The following TRAM1 variants were observed in gnomAD, a reference collection of about 807,000 sequenced individuals.
TRAM1 encodes translocation associated membrane protein 1.
In TRAM1, 17 loss-of-function variants were observed where a neutral mutation model predicts 48.7. The ratio of observed to expected loss-of-function variants is 0.35; its 90% CI spans 0.24 to 0.52. The LOEUF is 0.52. Ranked by LOEUF, TRAM1 falls within the 20% of genes least tolerant of loss-of-function variation. The pLI, the probability that TRAM1 is intolerant of heterozygous loss-of-function variation, is 0.94. For missense variants in TRAM1, 351 were observed against 441.5 expected (o/e 0.79, Z 1.84); for synonymous variants, 182 against 154.0 (o/e 1.18, Z -1.34).
intron 1 of TRAM1, among the ~76,000 whole-genome samples, chr8:70,605,717 A>G (rs1180178321): frequency 6.6e-6 from 1 of 152,220 alleles, no homozygotes; most frequent in Admixed American, 6.5e-5. Flanking sequence ...GGTAAGAAAA[A>G]GGAAGAACTC....
At position 70,583,343 on chromosome 8, in the gene TRAM1, T is replaced by TA. The variant is rs1450686799; in HGVS notation, c.891-20dup. ...AGCGATTCTAAGAAATATTAAGACA[T>TA]AAAAAGTTAGTGTATAAAAAACAAT... On this transcript the variant is annotated intron_variant, in intron 9 of 10. Coordinates refer to ENST00000262213, the MANE Select transcript of TRAM1 (RefSeq NM_014294.6). 1 of 1,607,282 alleles carries TA rather than the reference T, an allele frequency of 6.2e-7. No individual in the cohort carries two copies. The highest frequency in any genetic ancestry group is 8.5e-7 in the Non-Finnish European group (1 of 1,176,346).
chr8:70,581,059 C>CT (rs775314400), intron 10 of TRAM1, among the ~76,000 whole-genome samples: 2 of 152,140 alleles, frequency 1.3e-5, no homozygotes, highest in Non-Finnish European at 2.9e-5. Flanking sequence ...CCCCAGCTGG[C>CT]TTTTTTGCAG....
intron 8 of TRAM1, among the ~76,000 whole-genome samples, chr8:70,585,407 A>G (rs1208463210): frequency 6.6e-6 from 1 of 152,126 alleles, no homozygotes; most frequent in East Asian, 1.9e-4. Flanking sequence ...AATGGCAACA[A>G]AAGCCAAAAT....
chr8:70,601,111 G>A (rs1487410562), intron 1 of TRAM1, among the ~76,000 whole-genome samples: 3 of 152,116 alleles, frequency 2.0e-5, no homozygotes, highest in Admixed American at 1.3e-4. Flanking sequence ...TGCTCTCTGT[G>A]ACCTGCTAAG....
At chr8:70,593,219 C>T (rs1452780756) in intron 6 of TRAM1, among the ~76,000 whole-genome samples, 1 of 152,038 alleles carries the variant, frequency 6.6e-6, no homozygotes, top group Non-Finnish European at 1.5e-5. Flanking sequence ...TAGCAGACAA[C>T]ATGAGTAACG....
intron 8 of TRAM1, among the ~76,000 whole-genome samples, chr8:70,585,974 G>C (rs915124439): frequency 4.8e-4 from 72 of 150,492 alleles, no homozygotes; most frequent in Non-Finnish European, 9.2e-4. Context: ...ACATGCACAC[G>C]TATGTTTATT....
intron 2 of TRAM1, among the ~76,000 whole-genome samples, chr8:70,598,481 CAT>C (rs1275017347): frequency 3.9e-5 from 6 of 152,270 alleles, no homozygotes; most frequent in East Asian, 3.9e-4. Flanking sequence ...AGACTTGACA[CAT>C]GTTAGTCACA....
At chr8:70,600,529 A>G (rs544027589) in intron 1 of TRAM1, among the ~76,000 whole-genome samples, 3 of 152,190 alleles carry the variant, frequency 2.0e-5, no homozygotes, top group Non-Finnish European at 2.9e-5. Context: ...CACCCAGCAG[A>G]GTTAAGTGGT....
chr8:70,608,306 T>G lies in TRAM1; in HGVS notation c.-107A>C. 7.1e-6 allele frequency: 10 copies of G among 1,401,694 alleles called. No homozygotes were observed. The highest frequency in any genetic ancestry group is 9.3e-6 in the Non-Finnish European group (10 of 1,069,752). 86.8% of individuals were successfully genotyped at this position (1,401,694 alleles called of 1,614,324 possible). On this transcript the variant is annotated 5_prime_UTR_variant, in exon 1 of 11. Transcript: ENST00000262213. ...CGCTGGCTGCTCCTCACGGCCCCGC[T>G]GCAGCCGCTCGCTGGGGCTTCACTT...
intron 10 of TRAM1, among the ~76,000 whole-genome samples, chr8:70,577,930 G>A (rs1471356224): frequency 6.6e-6 from 1 of 152,248 alleles, no homozygotes; most frequent in Non-Finnish European, 1.5e-5. Context: ...GCACCTGCTG[G>A]TGCCTAGAGC....
chr8:70,607,723 G>T (rs971766055), intron 1 of TRAM1: 2 of 162,398 alleles, frequency 1.2e-5, no homozygotes, highest in Admixed American at 6.5e-5. Context: ...GGCCGCCCCC[G>T]CCCGCAGGCC....
intron 1 of TRAM1, among the ~76,000 whole-genome samples, chr8:70,601,339 T>C (rs754308864): frequency 6.6e-6 from 1 of 152,222 alleles, no homozygotes; most frequent in African/African-American, 2.4e-5. Context: ...CTATCTAAAA[T>C]ACGGTCGGAA....
intron 2 of TRAM1, among the ~76,000 whole-genome samples, 154 bp from the exon 3 acceptor site, chr8:70,598,409 C>T (rs1328373655): frequency 6.6e-6 from 1 of 152,120 alleles, no homozygotes; most frequent in Non-Finnish European, 1.5e-5. Context: ...CATCTTGAGT[C>T]TTAGAGGGGC....
At chr8:70,577,774 G>A (rs1816989976) in intron 10 of TRAM1, among the ~76,000 whole-genome samples, 1 of 152,226 alleles carries the variant, frequency 6.6e-6, no homozygotes, top group Non-Finnish European at 1.5e-5. Flanking sequence ...CTGAGCCAGG[G>A]CTATGACACC....
intron 5 of TRAM1, 104 bp downstream of exon 5, chr8:70,596,159 A>G (rs1296171435): frequency 2.5e-6 from 2 of 801,750 alleles, no homozygotes; most frequent in Non-Finnish European, 3.7e-6. Context: ...CATCTATTTT[A>G]TGCATTTGCC....
At chr8:70,603,236 G>T (rs562442609) in intron 1 of TRAM1, among the ~76,000 whole-genome samples, 2 of 149,612 alleles carry the variant, frequency 1.3e-5, no homozygotes, top group Admixed American at 6.6e-5. Context: ...TCTTTGTTTA[G>T]ATTTTTTATA....
intron 8 of TRAM1, among the ~76,000 whole-genome samples, chr8:70,585,935 A>C (rs1817206729): frequency 6.7e-6 from 1 of 150,340 alleles, no homozygotes; most frequent in South Asian, 2.2e-4. Context: ...GTATACCCAA[A>C]GGATTATAAA....
chr8:70,607,129 G>A (rs1817737212), intron 1 of TRAM1: 1 of 983,260 alleles, frequency 1.0e-6, no homozygotes, highest in Admixed American at 6.2e-5. Context: ...AGGGAAAAAA[G>A]CAAAGGAATG....
Position 70,573,690 on chromosome 8 carries a change from C to G in TRAM1, c.*1242G>C, listed in dbSNP as rs532879390. On this transcript the variant is annotated 3_prime_UTR_variant, in exon 11 of 11. Transcript: ENST00000262213. ...AAAATGGCACAAACAGCTGGTGACA[C>G]AAGTGAGAAATGGGGAACAAGATGT... The G allele has an allele frequency of 6.6e-6, 1 of 152,568 alleles. No homozygotes were observed. Among genetic ancestry groups the G allele is most frequent in the East Asian group, 1.9e-4 (1 of 5,178 alleles). The allele number at this position is 152,568 out of a possible 1,614,324, so 9.5% of individuals were successfully genotyped here.
Sources: gnomAD v4.1 joint callset for allele counts (sites outside exome capture counted in the v4.1 genomes callset) on GRCh38, gnomAD v4.1.1 for gene constraint, MANE v1.5 for transcripts, NCBI Gene and HGNC (gene_info 2026-07-23, HGNC 2026-07-21) for gene names.